The following IGSF21 variants were observed in gnomAD, a reference collection of about 807,000 sequenced individuals.
IGSF21 encodes immunoglobulin superfamily member 21.
Under a neutral mutation model 46.8 loss-of-function variants are expected in IGSF21, and 28 were observed. The observed-to-expected ratio is 0.60, with a 90% confidence interval of 0.44 to 0.82. IGSF21 has a LOEUF of 0.82. Among genes scored for constraint, IGSF21 ranks in the 40% least tolerant of loss-of-function variants. IGSF21 has a pLI of 0.00. For missense variants in IGSF21, 624 were observed against 665.5 expected, an observed-to-expected ratio of 0.94 and a Z score of 0.69; for synonymous variants, 284 against 273.6, an observed-to-expected ratio of 1.04 and a Z score of -0.38.
At chr1:18,190,230 A>G (rs888141427) in intron 1 of IGSF21, among the ~76,000 whole-genome samples, 2 of 152,206 alleles carry the variant, frequency 1.3e-5, no homozygotes, top group African/African-American at 4.8e-5. Context: ...CTCCCAGTGG[A>G]TCCACAGCCA....
intron 2 of IGSF21, among the ~76,000 whole-genome samples, chr1:18,262,209 G>A (rs2084953095): frequency 6.6e-6 from 1 of 152,160 alleles, no homozygotes; most frequent in Non-Finnish European, 1.5e-5. Flanking sequence ...CAAAGGGATG[G>A]GGAAGCTGGA....
intron 2 of IGSF21, among the ~76,000 whole-genome samples, chr1:18,282,202 G>A (rs2085167621): frequency 6.7e-6 from 1 of 148,700 alleles, no homozygotes; most frequent in Admixed American, 6.6e-5. Flanking sequence ...TGTGGTTCCT[G>A]ACCCCTGTGT....
intron 1 of IGSF21, among the ~76,000 whole-genome samples, chr1:18,181,180 G>A (rs895678011): frequency 2.2e-4 from 33 of 152,152 alleles, no homozygotes; most frequent in Admixed American, 5.9e-4. Context: ...GTGGATCCTC[G>A]GTCGTGCGGC....
chr1:18,196,303 T>C (rs1557582545), intron 1 of IGSF21, among the ~76,000 whole-genome samples: 1 of 151,594 alleles, frequency 6.6e-6, no homozygotes, highest in Non-Finnish European at 1.5e-5. Flanking sequence ...GAGGAGTAAT[T>C]TGGGTTATTA....
At chr1:18,176,682 T>C (rs1192127649) in intron 1 of IGSF21, among the ~76,000 whole-genome samples, 1 of 152,216 alleles carries the variant, frequency 6.6e-6, no homozygotes, top group Middle Eastern at 3.2e-3. Context: ...TGGAAGACTT[T>C]CCTCCTCTTC....
At chr1:18,164,841 C>T (rs901010623) in intron 1 of IGSF21, among the ~76,000 whole-genome samples, 3 of 150,704 alleles carry the variant, frequency 2.0e-5, no homozygotes, top group South Asian at 4.2e-4. Context: ...CCCATTAACT[C>T]GTCATTTACA....
At chr1:18,198,887 A>T (rs1362489381) in intron 1 of IGSF21, among the ~76,000 whole-genome samples, 1 of 152,176 alleles carries the variant, frequency 6.6e-6, no homozygotes, top group Non-Finnish European at 1.5e-5. Flanking sequence ...AAAGGACAAT[A>T]GGAAGACCTC....
intron 1 of IGSF21, among the ~76,000 whole-genome samples, chr1:18,148,102 T>C (rs2086486908): frequency 6.6e-6 from 1 of 151,344 alleles, no homozygotes; most frequent in South Asian, 2.1e-4. Context: ...CATTTTCCTT[T>C]ATAAATTACT....
intron 6 of IGSF21, among the ~76,000 whole-genome samples, chr1:18,372,323 C>G (rs1018323084): frequency 6.6e-6 from 1 of 152,196 alleles, no homozygotes; most frequent in Non-Finnish European, 1.5e-5. Flanking sequence ...TGTTATTATT[C>G]ATCATAGTAT....
intron 2 of IGSF21, among the ~76,000 whole-genome samples, chr1:18,239,797 C>A (rs372294251): frequency 1.3e-5 from 2 of 152,126 alleles, no homozygotes; most frequent in African/African-American, 4.8e-5. Flanking sequence ...CCATTTTTCC[C>A]CCTTCAATCT....
chr1:18,351,948 C>G (rs913659946), intron 4 of IGSF21, among the ~76,000 whole-genome samples: 2 of 152,196 alleles, frequency 1.3e-5, no homozygotes, highest in African/African-American at 2.4e-5. Flanking sequence ...AGCAAAACTC[C>G]AGGAGCAGAG....
At chr1:18,312,972 T>C (rs2124586271) in intron 3 of IGSF21, among the ~76,000 whole-genome samples, 1 of 152,280 alleles carries the variant, frequency 6.6e-6, no homozygotes, top group Admixed American at 6.5e-5. Flanking sequence ...AGTTCCCTCT[T>C]CAGGGCCTGG....
intron 1 of IGSF21, among the ~76,000 whole-genome samples, chr1:18,178,159 A>G (rs2086821594): frequency 6.6e-6 from 1 of 152,114 alleles, no homozygotes; most frequent in South Asian, 2.1e-4. Context: ...AGACACTGTG[A>G]CAACAGCGTC....
chr1:18,265,955 C>T (rs2084985811), intron 2 of IGSF21, among the ~76,000 whole-genome samples: 1 of 152,144 alleles, frequency 6.6e-6, no homozygotes, highest in South Asian at 2.1e-4. Context: ...GAGGTGCCCA[C>T]TGAGGGAGAG....
At chr1:18,373,813 C>T (rs913862759) in intron 6 of IGSF21, among the ~76,000 whole-genome samples, 9 of 152,180 alleles carry the variant, frequency 5.9e-5, no homozygotes, top group African/African-American at 2.2e-4. Context: ...CTATGACCTG[C>T]ACAATGGGTT....
At chr1:18,324,861 T>A (rs988076709) in intron 3 of IGSF21, among the ~76,000 whole-genome samples, 1 of 152,136 alleles carries the variant, frequency 6.6e-6, no homozygotes, top group Non-Finnish European at 1.5e-5. Flanking sequence ...AGGGAGTCAT[T>A]TCAGGATTTC....
intron 1 of IGSF21, among the ~76,000 whole-genome samples, chr1:18,210,511 A>G (rs1208928729): frequency 3.9e-5 from 6 of 152,172 alleles, no homozygotes; most frequent in Non-Finnish European, 5.9e-5. Context: ...CCAGTAATCC[A>G]TACTTCCAGC....
intron 3 of IGSF21, among the ~76,000 whole-genome samples, chr1:18,319,333 A>T (rs1172824227): frequency 6.6e-6 from 1 of 152,262 alleles, no homozygotes; most frequent in Admixed American, 6.5e-5. Flanking sequence ...TGTGTAACAC[A>T]CCTACTTACA....
At chr1:18,271,667 G>T (rs1185091619) in intron 2 of IGSF21, among the ~76,000 whole-genome samples, 1 of 152,212 alleles carries the variant, frequency 6.6e-6, no homozygotes, top group Non-Finnish European at 1.5e-5. Context: ...GGGAGCATCA[G>T]TGGCTGGTCC....
Sources: gnomAD v4.1 joint callset for allele counts (sites outside exome capture counted in the v4.1 genomes callset) on GRCh38, gnomAD v4.1.1 for gene constraint, MANE v1.5 for transcripts, NCBI Gene and HGNC (gene_info 2026-07-23, HGNC 2026-07-21) for gene names.